MCC: variants seen among roughly 807,000 people sequenced by gnomAD.
The protein encoded by MCC is MCC regulator of Wnt signaling pathway, also known as colorectal mutant cancer protein.
In MCC, 90 loss-of-function variants were observed where a neutral mutation model predicts 116.2. That is an observed-to-expected ratio of 0.77 (90% CI 0.65 to 0.92). MCC has a LOEUF of 0.92. Ranked by LOEUF, MCC falls within the 40% of genes least tolerant of loss-of-function variation. The pLI is 0.00. For missense variants in MCC, 1,516 were observed against 1,312.2 expected, an observed-to-expected ratio of 1.16 and a Z score of -2.40; for synonymous variants, 578 against 510.5, an observed-to-expected ratio of 1.13 and a Z score of -1.78.
At chr5:113,204,969 G>C (rs1218713504) in intron 3 of MCC, among the ~76,000 whole-genome samples, 1 of 151,564 alleles carries the variant, frequency 6.6e-6, no homozygotes, top group Non-Finnish European at 1.5e-5. Context: ...TTCAACAGAT[G>C]ACAGGGCTAA....
chr5:113,382,500 C>T (rs577250793), intron 2 of MCC, among the ~76,000 whole-genome samples: 8 of 152,004 alleles, frequency 5.3e-5, no homozygotes, highest in South Asian at 2.1e-4. Flanking sequence ...GTGATCCTCC[C>T]GCCTCGGCCT....
At chr5:113,266,237 C>CTA (rs1266014728) in intron 3 of MCC, among the ~76,000 whole-genome samples, 3 of 142,806 alleles carry the variant, frequency 2.1e-5, no homozygotes, top group African/African-American at 5.6e-5. Flanking sequence ...TTCACCCCTT[C>CTA]TACACACACA....
At chr5:113,231,098 A>AG (rs1763924864) in intron 3 of MCC, among the ~76,000 whole-genome samples, 1 of 152,152 alleles carries the variant, frequency 6.6e-6, no homozygotes, top group African/African-American at 2.4e-5. Flanking sequence ...ACGTTTCCTA[A>AG]GGGGGAAAAA....
intron 2 of MCC, among the ~76,000 whole-genome samples, chr5:113,346,670 A>G (rs1768142708): frequency 1.3e-5 from 2 of 152,166 alleles, no homozygotes; most frequent in African/African-American, 2.4e-5. Context: ...AAGGGATAAT[A>G]TCAGAGAACT....
At chr5:113,231,100 G>A (rs889289240) in intron 3 of MCC, among the ~76,000 whole-genome samples, 1 of 151,936 alleles carries the variant, frequency 6.6e-6, no homozygotes, top group African/African-American at 2.4e-5. Context: ...GTTTCCTAAG[G>A]GGGAAAAAAA....
chr5:113,411,115 T>C (rs1432692370), intron 1 of MCC, among the ~76,000 whole-genome samples: 1 of 152,202 alleles, frequency 6.6e-6, no homozygotes, highest in Non-Finnish European at 1.5e-5. Context: ...CCTTTCGGTA[T>C]ATAACCAGTA....
chr5:113,479,869 G>T (rs1772330114), intron 1 of MCC, among the ~76,000 whole-genome samples: 1 of 152,110 alleles, frequency 6.6e-6, no homozygotes, highest in African/African-American at 2.4e-5. Flanking sequence ...TGGTTATGCT[G>T]CCATTTCAAT....
chr5:113,419,804 A>G (rs1468593729), intron 1 of MCC, among the ~76,000 whole-genome samples: 2 of 142,814 alleles, frequency 1.4e-5, no homozygotes, highest in African/African-American at 5.3e-5. Context: ...TCTCACTCAT[A>G]GGTGGGAATT....
chr5:113,219,589 A>T (rs894467497), intron 3 of MCC, among the ~76,000 whole-genome samples: 1 of 152,214 alleles, frequency 6.6e-6, no homozygotes, highest in Admixed American at 6.5e-5. Flanking sequence ...TTGCTTTAAA[A>T]TTTCAATAAT....
intron 17 of MCC, among the ~76,000 whole-genome samples, chr5:113,039,251 T>C (rs979066314): frequency 4.3e-4 from 65 of 152,338 alleles, no homozygotes; most frequent in African/African-American, 1.5e-3. Context: ...GAGATCTCGC[T>C]ATGTTGCCCA....
chr5:113,068,106 C>CG lies in MCC; in HGVS notation c.2002dup (p.Arg668ProfsTer16). On this transcript the variant is annotated frameshift_variant, in exon 13 of 19. Transcript: ENST00000408903. LOFTEE classifies it high-confidence loss of function. Reference sequence around the variant, plus strand: ...AGGGGAGGACCCCACGCCCGCCGCTCGGAACTGCCCCAGGATGAGGCTCTG... The same window carrying CG: ...AGGGGAGGACCCCACGCCCGCCGCTCGGGAACTGCCCCAGGATGAGGCTCTG... The CG allele has an allele frequency of 6.2e-7, 1 of 1,614,182 alleles. No individual in the cohort carries two copies. Among genetic ancestry groups the CG allele is most frequent in the Non-Finnish European group, 8.5e-7 (1 of 1,180,036 alleles).
At chr5:113,045,619 G>A (rs1752019433) in intron 16 of MCC, among the ~76,000 whole-genome samples, 1 of 152,026 alleles carries the variant, frequency 6.6e-6, no homozygotes, top group Non-Finnish European at 1.5e-5. Flanking sequence ...GACCAACATG[G>A]TGAAAACTCA....
intron 8 of MCC, among the ~76,000 whole-genome samples, chr5:113,093,623 C>T (rs963036254): frequency 1.6e-4 from 24 of 151,846 alleles, no homozygotes. Flanking sequence ...AGCAGGTTTC[C>T]AAAGTGGTAG....
chr5:113,462,614 T>G (rs770992689), intron 1 of MCC, among the ~76,000 whole-genome samples: 1 of 152,192 alleles, frequency 6.6e-6, no homozygotes, highest in Admixed American at 6.5e-5. Flanking sequence ...CAATTTGTTC[T>G]CCAGTAACTC....
At chr5:113,326,686 C>G (rs1405776644) in intron 3 of MCC, among the ~76,000 whole-genome samples, 1 of 152,218 alleles carries the variant, frequency 6.6e-6, no homozygotes, top group African/African-American at 2.4e-5. Flanking sequence ...ATAGTTCTCA[C>G]TACACTATAT....
chr5:113,088,470 C>T (rs1390450498), intron 8 of MCC, among the ~76,000 whole-genome samples: 2 of 150,820 alleles, frequency 1.3e-5, no homozygotes, highest in Non-Finnish European at 2.9e-5. Flanking sequence ...GACCGCATCT[C>T]AAAATAGGGT....
At chr5:113,111,292 G>A (rs2150261699) in intron 6 of MCC, among the ~76,000 whole-genome samples, 1 of 152,314 alleles carries the variant, frequency 6.6e-6, no homozygotes, top group African/African-American at 2.4e-5. Context: ...CCCCATGGCT[G>A]TGTGGTTTAT....
rs758789001 is a variant in MCC at position 113,025,893 on chromosome 5, CTA to C, written c.*1407_*1408del. 4 of 152,296 alleles carry C rather than the reference CTA, an allele frequency of 2.6e-5. No individual in the cohort carries two copies. The highest frequency in any genetic ancestry group is 7.2e-5 in the African/African-American group (3 of 41,562). The allele number at this position is 152,296 out of a possible 1,614,324, so 9.4% of individuals were successfully genotyped here. A position where few individuals can be genotyped will look rare whatever the true frequency, so the allele number is the denominator to read the frequency against. ...CCCGTAGCTTATGGACATAAAGACTCTATGCAGAAACCTCCTCAACTTTAATT... is the reference window on the plus strand; with the variant it reads ...CCCGTAGCTTATGGACATAAAGACTCTGCAGAAACCTCCTCAACTTTAATT... On this transcript the variant is annotated 3_prime_UTR_variant, in exon 19 of 19. Transcript: ENST00000408903.
intron 1 of MCC, among the ~76,000 whole-genome samples, chr5:113,395,741 A>G (rs9326889): frequency 0.44 from 67,093 of 152,036 alleles, 16,252 homozygotes; most frequent in African/African-American, 0.63. Context: ...ATATATGCTG[A>G]GCTCCATACC....
Sources: gnomAD v4.1 joint callset for allele counts (sites outside exome capture counted in the v4.1 genomes callset) on GRCh38, gnomAD v4.1.1 for gene constraint, MANE v1.5 for transcripts, NCBI Gene and HGNC (gene_info 2026-07-23, HGNC 2026-07-21) for gene names.